Variants in MYO15B observed in about 807,000 individuals in gnomAD.
MYO15B encodes myosin XVB, also known as myosin XVB pseudogene.
MYO15B carries 207 observed loss-of-function variants against 119.3 expected under a neutral mutation model. The observed-to-expected ratio is 1.73, with a 90% confidence interval of 1.55 to 1.95. MYO15B has a LOEUF of 1.95. Ranked by LOEUF, MYO15B falls within the 30% of genes most tolerant of loss-of-function variation. The pLI, the probability that MYO15B is intolerant of heterozygous loss-of-function variation, is 0.00. For synonymous variants in MYO15B, 966 were observed against 498.9 expected (o/e 1.94, Z -12.48); for missense variants, 2,264 against 1,203.1 (o/e 1.88, Z -13.04).
In MYO15B at chr17:75,621,340, C is replaced by T. The variant is rs776715691; in HGVS notation, c.7872-5C>T. 7.5e-5 allele frequency: 52 copies of T among 697,522 alleles called. No homozygotes were observed. The Middle Eastern group carries it at 3.7e-3, about 50-fold the overall frequency. The allele number at this position is 697,522 out of a possible 1,614,324, so 43.2% of individuals were successfully genotyped here. A position where few individuals can be genotyped will look rare whatever the true frequency, so the allele number is the denominator to read the frequency against. ...AGCTGGGCTGTCTCCCTCTGCCCCCCACAGGCTGGGCCAGACTGATGGAGG... is the reference window on the plus strand; with the variant it reads ...AGCTGGGCTGTCTCCCTCTGCCCCCTACAGGCTGGGCCAGACTGATGGAGG... On this transcript the variant is annotated splice_region_variant and splice_polypyrimidine_tract_variant and intron_variant, in intron 50 of 63. Coordinates refer to ENST00000645453, the Ensembl canonical transcript of MYO15B.
intron 23 of MYO15B, among the ~76,000 whole-genome samples, 196 bp downstream of exon 23, chr17:75,611,155 T>C (rs914726189): frequency 1.1e-4 from 16 of 151,882 alleles, no homozygotes; most frequent in African/African-American, 3.4e-4. Context: ...TTTGTTCGAG[T>C]GTCCAGGGTC....
chr17:75,588,966 G>A lies in MYO15B; in HGVS notation c.909G>A (p.Gln303=), dbSNP rs2056231770. ...CGACGGCCCGGGCTCCGCGCCACCA[G>A]GTCGGAAAGGCGGTGGGGCAGGTGC... is the stretch of plus-strand genomic sequence containing the variant. Residue 303 remains glutamine (Q), a synonymous_variant, in exon 1 of 64, where the codon CAG becomes CAA. Coordinates refer to ENST00000645453, the Ensembl canonical transcript of MYO15B. 1.5e-5 allele frequency: 6 copies of A among 398,170 alleles called. No individual in the cohort carries two copies. The East Asian group carries it at 1.8e-4, about 12-fold the overall frequency. 24.7% of individuals were successfully genotyped at this position (398,170 alleles called of 1,614,324 possible).
chr17:75,605,388 G>C (rs1298882336), intron 19 of MYO15B, 116 bp from the exon 20 acceptor site: 1 of 608,650 alleles, frequency 1.6e-6, no homozygotes, highest in Non-Finnish European at 2.9e-6. Context: ...AGTGAGCCGA[G>C]ATCGCGCCAC....
rs2058616486 is a variant in MYO15B, at chr17:75,620,092, C to T, written c.7443+72C>T. 6 of 674,198 alleles carry T rather than the reference C, an allele frequency of 8.9e-6. No homozygotes were observed. In the South Asian group the frequency reaches 9.6e-5, roughly 11 times the overall value. The allele number at this position is 674,198 out of a possible 1,614,324, so 41.8% of individuals were successfully genotyped here. On this transcript the variant is annotated intron_variant, in intron 47 of 63. Transcript: ENST00000645453. ...GATGCTGCATCTCCCTGTCCGTCTT[C>T]CCTGTGGGGGCAGGGGCTGGGAGTT... is the stretch of plus-strand genomic sequence containing the variant.
chr17:75,622,617 A>G (rs1424521230), intron 53 of MYO15B, among the ~76,000 whole-genome samples: 1 of 152,190 alleles, frequency 6.6e-6, no homozygotes, highest in African/African-American at 2.4e-5. Context: ...CTTACATTTC[A>G]CAGGGTCACT....
rs1471721263 is a variant in MYO15B, at chr17:75,610,808, G to C, written c.4387-92G>C. The C allele has an allele frequency of 1.0e-5, 7 of 698,100 alleles. No individual in the cohort carries two copies. In the Admixed American group the frequency reaches 1.4e-4, roughly 14 times the overall value. 43.2% of individuals were successfully genotyped at this position (698,100 alleles called of 1,614,324 possible). On this transcript the variant is annotated intron_variant, in intron 22 of 63. Coordinates refer to ENST00000645453, the Ensembl canonical transcript of MYO15B. ...CTCCTTTGCTGAGAACCTCCCAGGG[G>C]CAGGAGGGGACAGCTGAACTTCAGA...
chr17:75,602,289 C>T, intron 15 of MYO15B: 1 of 661,646 alleles, frequency 1.5e-6, no homozygotes. Context: ...AGGTTAAAGC[C>T]CCAGTGGGGA....
At chr17:75,621,632 TC>T (rs2058718499) in intron 52 of MYO15B, 62 bp downstream of exon 52, 25 of 678,466 alleles carry the variant, frequency 3.7e-5, no homozygotes, top group South Asian at 3.5e-4. Context: ...GGGTGTCTGG[TC>T]CCCTTATCTC....
chr17:75,619,464 C>T lies in MYO15B; in HGVS notation c.7170C>T (p.Phe2390=), dbSNP rs551074300. The change falls in exon 45 of 64, where the codon TTC becomes TTT. Residue 2390 remains phenylalanine, a synonymous_variant. Coordinates refer to ENST00000645453, the Ensembl canonical transcript of MYO15B. ...ACTGGGCCAATTACTTCTCCCGCTT[C>T]TTTCCTGTCTCGGTCAGTGGCGCTG... 28 of 702,622 alleles carry T rather than the reference C, an allele frequency of 4.0e-5. 1 individual carries two copies. The South Asian group carries it at 4.0e-4, about 10-fold the overall frequency. 43.5% of individuals were successfully genotyped at this position (702,622 alleles called of 1,614,324 possible). A position where few individuals can be genotyped will look rare whatever the true frequency, so the allele number is the denominator to read the frequency against.
Position 75,614,987 on chromosome 17 carries a change from C to G in MYO15B, c.5586C>G (p.Ser1862Arg), listed in dbSNP as rs75045050. 0.017 allele frequency: 12,004 copies of G among 703,044 alleles called. 978 individuals carry two copies. In the African/African-American group the frequency reaches 0.18, roughly 11 times the overall value. The allele number at this position is 703,044 out of a possible 1,614,324, so 43.6% of individuals were successfully genotyped here. Residue 1862 changes from serine to arginine, a missense_variant, in exon 33 of 64, where the codon AGC (serine) becomes AGG (arginine). Ser to Arg is a moderately radical substitution (Grantham distance 110, BLOSUM62 -1). Coordinates refer to ENST00000645453, the Ensembl canonical transcript of MYO15B. Reference sequence around the variant, plus strand: ...ATCTGGAACAAAGCTGGGCTCTGAGCAGCCGCATGAAGGGAGGGGGCGCCA... The same window carrying G: ...ATCTGGAACAAAGCTGGGCTCTGAGGAGCCGCATGAAGGGAGGGGGCGCCA...
intron 61 of MYO15B, 68 bp from the exon 62 acceptor site, chr17:75,625,776 G>A (rs1358970005): frequency 5.7e-6 from 4 of 701,042 alleles, no homozygotes; most frequent in African/African-American, 5.2e-5. Flanking sequence ...CTGACCTGGG[G>A]GACCAAGCAG....
chr17:75,600,440 T>G (rs962812307), intron 14 of MYO15B, among the ~76,000 whole-genome samples: 8 of 151,676 alleles, frequency 5.3e-5, no homozygotes, highest in East Asian at 1.9e-4. Flanking sequence ...CTTTTTTTTT[T>G]TTTGTTTAAG....
intron 53 of MYO15B, among the ~76,000 whole-genome samples, chr17:75,623,554 G>A (rs11869701): frequency 0.03 from 4,573 of 152,306 alleles, 203 homozygotes; most frequent in African/African-American, 0.099. Context: ...AACCTGGGAA[G>A]CAGATTGCAG....
rs1410401713 is a variant in MYO15B at position 75,613,778 on chromosome 17, G to A, written c.5219+1G>A. On this transcript the variant is annotated splice_donor_variant, in intron 29 of 63. Transcript: ENST00000645453. LOFTEE classifies it high-confidence loss of function. ...TGGCTGGGTGGATCCTGCAGAGCAG[G>A]TATGGGGACCGGGGATGGGGGACAG... 7.1e-6 allele frequency: 5 copies of A among 701,430 alleles called. No individual in the cohort carries two copies. Among genetic ancestry groups the A allele is most frequent in the Admixed American group, 2.0e-5 (1 of 49,770 alleles). The allele number at this position is 701,430 out of a possible 1,614,324, so 43.5% of individuals were successfully genotyped here. A position where few individuals can be genotyped will look rare whatever the true frequency, so the allele number is the denominator to read the frequency against.
chr17:75,611,786 T>C, intron 24 of MYO15B, 100 bp from the exon 25 acceptor site: 1 of 692,928 alleles, frequency 1.4e-6, no homozygotes, highest in Non-Finnish European at 2.6e-6. Flanking sequence ...TGGGTCCCTG[T>C]GGACAGGGGC....
Position 75,610,963 on chromosome 17 carries a change from G to C in MYO15B, c.4446+4G>C. On this transcript the variant is annotated splice_donor_region_variant and intron_variant, in intron 23 of 63. Transcript: ENST00000645453. ...CTTGGAGAGAGTGCCAAGCATGGTAGGTGGCCTGGAAAGTGGGGGGTTTTA... is the reference window on the plus strand; with the variant it reads ...CTTGGAGAGAGTGCCAAGCATGGTACGTGGCCTGGAAAGTGGGGGGTTTTA... 1.4e-6 allele frequency: 1 copy of C among 703,038 alleles called. No individual in the cohort carries two copies. The allele number at this position is 703,038 out of a possible 1,614,324, so 43.5% of individuals were successfully genotyped here. A position where few individuals can be genotyped will look rare whatever the true frequency, so the allele number is the denominator to read the frequency against.
chr17:75,620,069 T>TG (rs1313168642), intron 47 of MYO15B, 49 bp downstream of exon 47: 5 of 679,866 alleles, frequency 7.4e-6, no homozygotes, highest in Non-Finnish European at 1.1e-5. Flanking sequence ...CCCTCACCGA[T>TG]GCTGCATCTC....
chr17:75,596,896 C>G (rs376219834), exon 14 of MYO15B: 1 of 699,944 alleles, frequency 1.4e-6, no homozygotes. Context: ...CATGGCTGTC[C>G]CAGGTAAGGG....
exon 12 of MYO15B, chr17:75,594,843 C>T (rs993804334): frequency 2.3e-5 from 16 of 702,892 alleles, no homozygotes; most frequent in Non-Finnish European, 3.9e-5. Context: ...CCTACAGGGA[C>T]GCCCTGGCCA....
Sources: gnomAD v4.1 joint callset for allele counts (sites outside exome capture counted in the v4.1 genomes callset) on GRCh38, gnomAD v4.1.1 for gene constraint, MANE v1.5 for transcripts, NCBI Gene and HGNC (gene_info 2026-07-23, HGNC 2026-07-21) for gene names.